Variants in ERBB4 observed in about 807,000 individuals in gnomAD.
ERBB4 encodes erb-b2 receptor tyrosine kinase 4.
A neutral mutation model predicts 158.0 loss-of-function variants in ERBB4; 42 were observed. That is an observed-to-expected ratio of 0.27 (90% CI 0.21 to 0.34). The LOEUF (loss-of-function observed/expected upper bound fraction) is 0.34. Among genes scored for constraint, ERBB4 ranks in the 10% least tolerant of loss-of-function variants. ERBB4 has a pLI of 1.00. For missense variants in ERBB4, 1,333 were observed against 1,624.1 expected, an observed-to-expected ratio of 0.82 and a Z score of 3.08; for synonymous variants, 583 against 558.7, an observed-to-expected ratio of 1.04 and a Z score of -0.61.
Position 211,913,617 on chromosome 2 carries a change from ATATGTG to A in ERBB4, c.421+33807_421+33812del, listed in dbSNP as rs1452790190. On this transcript the variant is annotated intron_variant, in intron 3 of 27. Coordinates refer to ENST00000342788, the MANE Select transcript of ERBB4 (RefSeq NM_005235.3). ...CTCTATTTCAAAAAAATATATATAT[ATATGTG>A]TGTGTGTGTGTGTGTGTGTGTGTGT... Among the ~76,000 whole-genome samples the A allele has an allele frequency of 4.2e-4, 50 of 118,490 alleles. No homozygotes were observed. The East Asian group carries it at 4.5e-3, about 11-fold the overall frequency. The allele number at this position is 118,490 out of a possible 152,430, so 77.7% of individuals were successfully genotyped here.
At chr2:212,511,889 C>G (rs554569026) in intron 1 of ERBB4, among the ~76,000 whole-genome samples, 1 of 152,120 alleles carries the variant, frequency 6.6e-6, no homozygotes, top group South Asian at 2.1e-4. Context: ...GTGTCACCAT[C>G]CAGTACCAAA....
At chr2:212,243,215 G>C (rs1484499849) in intron 1 of ERBB4, among the ~76,000 whole-genome samples, 1 of 151,960 alleles carries the variant, frequency 6.6e-6, no homozygotes, top group Non-Finnish European at 1.5e-5. Context: ...AAATTTTAAG[G>C]GCAGCGACCA....
intron 9 of ERBB4, among the ~76,000 whole-genome samples, chr2:211,710,087 C>G (rs1007770634): frequency 2.0e-5 from 3 of 151,954 alleles, no homozygotes; most frequent in Admixed American, 1.3e-4. Flanking sequence ...ATAATTAAAA[C>G]AATATATATT....
chr2:211,761,754 A>T (rs2075419896), intron 4 of ERBB4, among the ~76,000 whole-genome samples: 1 of 152,238 alleles, frequency 6.6e-6, no homozygotes, highest in Admixed American at 6.5e-5. Flanking sequence ...AAGCTAAAAT[A>T]TTCAAAATAC....
At chr2:212,354,350 A>C (rs1414153700) in intron 1 of ERBB4, among the ~76,000 whole-genome samples, 1 of 152,102 alleles carries the variant, frequency 6.6e-6, no homozygotes, top group East Asian at 1.9e-4. Context: ...GCAATTATTA[A>C]TAGGTCATAA....
At chr2:211,995,211 T>A (rs1456372603) in intron 2 of ERBB4, among the ~76,000 whole-genome samples, 1 of 152,220 alleles carries the variant, frequency 6.6e-6, no homozygotes, top group Non-Finnish European at 1.5e-5. Flanking sequence ...AAATATAATT[T>A]TTGTTTCACT....
intron 1 of ERBB4, among the ~76,000 whole-genome samples, chr2:212,328,609 C>T (rs556834597): frequency 6.6e-6 from 1 of 151,966 alleles, no homozygotes; most frequent in Non-Finnish European, 1.5e-5. Flanking sequence ...TTCTTTAAAA[C>T]TCAAATATCT....
chr2:211,930,714 A>G (rs2080151250), intron 3 of ERBB4, among the ~76,000 whole-genome samples: 1 of 152,168 alleles, frequency 6.6e-6, no homozygotes, highest in African/African-American at 2.4e-5. Context: ...ATTATTTTTA[A>G]AACTCCCAGA....
intron 3 of ERBB4, among the ~76,000 whole-genome samples, chr2:211,940,502 T>G (rs1282118248): frequency 6.6e-6 from 1 of 152,044 alleles, no homozygotes; most frequent in East Asian, 1.9e-4. Context: ...AAAGTAAGAA[T>G]GATCACAAAG....
chr2:211,983,467 A>G (rs1234685802), intron 2 of ERBB4, among the ~76,000 whole-genome samples: 1 of 152,204 alleles, frequency 6.6e-6, no homozygotes, highest in Non-Finnish European at 1.5e-5. Flanking sequence ...AGTTTATTCA[A>G]TCAGTATCCC....
chr2:211,676,599 T>C (rs141611844), intron 13 of ERBB4, among the ~76,000 whole-genome samples: 1,938 of 152,164 alleles, frequency 0.013, 52 homozygotes, highest in African/African-American at 0.044. Context: ...AGATGAAAAA[T>C]CAGATACCTT....
At chr2:212,209,320 T>C in intron 1 of ERBB4, among the ~76,000 whole-genome samples, 1 of 152,210 alleles carries the variant, frequency 6.6e-6, no homozygotes, top group East Asian at 1.9e-4. Flanking sequence ...AGTGTATATA[T>C]GCTCTTTTTT....
At chr2:211,615,805 G>A (rs1389874980) in intron 19 of ERBB4, among the ~76,000 whole-genome samples, 1 of 152,062 alleles carries the variant, frequency 6.6e-6, no homozygotes, top group Non-Finnish European at 1.5e-5. Context: ...GTAAAGCACA[G>A]CTATGTGTGA....
At chr2:212,040,535 A>C (rs900483317) in intron 2 of ERBB4, among the ~76,000 whole-genome samples, 3 of 152,150 alleles carry the variant, frequency 2.0e-5, no homozygotes, top group Non-Finnish European at 4.4e-5. Flanking sequence ...GAGTCTCATA[A>C]ATCTAGCCCT....
chr2:212,480,851 A>G (rs1195314723), intron 1 of ERBB4, among the ~76,000 whole-genome samples: 1 of 152,254 alleles, frequency 6.6e-6, no homozygotes. Context: ...TGCACTTAGC[A>G]GCTAATAACA....
At chr2:211,495,098 A>G (rs1158747242) in intron 20 of ERBB4, among the ~76,000 whole-genome samples, 1 of 152,102 alleles carries the variant, frequency 6.6e-6, no homozygotes, top group Non-Finnish European at 1.5e-5. Flanking sequence ...AATGGGGAAA[A>G]AGTAGCAAAA....
intron 1 of ERBB4, among the ~76,000 whole-genome samples, chr2:212,224,129 C>T (rs188228589): frequency 6.7e-4 from 102 of 151,870 alleles, no homozygotes; most frequent in Non-Finnish European, 1.2e-3. Flanking sequence ...CAATTAAATG[C>T]ATTTTTGCTA....
intron 7 of ERBB4, among the ~76,000 whole-genome samples, chr2:211,721,786 T>C: frequency 6.6e-6 from 1 of 152,066 alleles, no homozygotes; most frequent in East Asian, 1.9e-4. Context: ...TTGCTGCCAC[T>C]TAACTAATTA....
chr2:212,027,531 A>C (rs1445181699), intron 2 of ERBB4, among the ~76,000 whole-genome samples: 1 of 152,098 alleles, frequency 6.6e-6, no homozygotes, highest in African/African-American at 2.4e-5. Flanking sequence ...AATTTTGTAA[A>C]TCAATGAGAA....
Sources: gnomAD v4.1 joint callset for allele counts (sites outside exome capture counted in the v4.1 genomes callset) on GRCh38, gnomAD v4.1.1 for gene constraint, MANE v1.5 for transcripts, NCBI Gene and HGNC (gene_info 2026-07-23, HGNC 2026-07-21) for gene names.